The following TIGD1 variants were observed in gnomAD, a reference collection of about 807,000 sequenced individuals.
TIGD1 encodes tigger transposable element derived 1.
A neutral mutation model predicts 21.3 loss-of-function variants in TIGD1; 20 were observed. That is an observed-to-expected ratio of 0.94 (90% CI 0.66 to 1.36). TIGD1 has a LOEUF of 1.36. Ranked by LOEUF, TIGD1 falls within the 40% of genes most tolerant of loss-of-function variation. The pLI is 0.00. For missense variants in TIGD1, 556 were observed against 350.5 expected (o/e 1.59, Z -4.68); for synonymous variants, 177 against 123.2 (o/e 1.44, Z -2.89).
chr2:232,549,652 G>C lies in TIGD1; in HGVS notation c.231C>G (p.Ser77Arg), dbSNP rs1391966255. 1 of 716,536 alleles carries C rather than the reference G, an allele frequency of 1.4e-6. No homozygotes were observed. The highest frequency in any genetic ancestry group is 2.6e-6 in the Non-Finnish European group (1 of 388,826). 44.4% of individuals were successfully genotyped at this position (716,536 alleles called of 1,614,324 possible). A position where few individuals can be genotyped will look rare whatever the true frequency, so the allele number is the denominator to read the frequency against. Residue 77 changes from serine (S) to arginine (R), a missense_variant, in exon 1 of 1, where the codon AGC becomes AGG. Transcript: ENST00000408957. Reference sequence around the variant, plus strand: ...AAACCTTCTCCATATCAGCAATAAGGCTGTTTCGCTTTCTTATCATTCGTG... The same window carrying C: ...AAACCTTCTCCATATCAGCAATAAGCCTGTTTCGCTTTCTTATCATTCGTG... ...MNTRMIRKRN[S>R]LIADMEKVLV... is the part of the protein sequence containing the mutation.
In TIGD1 at chr2:232,545,741, TG is replaced by T; in HGVS notation, c.*2365del. The T allele has an allele frequency of 6.2e-7, 1 of 1,613,300 alleles. No homozygotes were observed. Among genetic ancestry groups the T allele is most frequent in the South Asian group, 1.1e-5 (1 of 91,076 alleles). ...AGCCAACCAACCACTGTGGGGCATG[TG>T]GGAGTCACACACGTGGGTCACACTG... On this transcript the variant is annotated 3_prime_UTR_variant, in exon 1 of 1. Coordinates refer to ENST00000408957, the MANE Select transcript of TIGD1 (RefSeq NM_145702.4).
chr2:232,545,851 C>A lies in TIGD1; in HGVS notation c.*2256G>T. 4 of 1,031,418 alleles carry A rather than the reference C, an allele frequency of 3.9e-6. No individual in the cohort carries two copies. The highest frequency in any genetic ancestry group is 5.9e-6 in the Non-Finnish European group (4 of 677,274). The allele number at this position is 1,031,418 out of a possible 1,614,324, so 63.9% of individuals were successfully genotyped here. On this transcript the variant is annotated 3_prime_UTR_variant, in exon 1 of 1. Transcript: ENST00000408957. Reference sequence around the variant, plus strand: ...TTCAGGACTGTGTGAGCCAAACAGCCCTGAGAAAAGCTGGGGAAACAGTCT... The same window carrying A: ...TTCAGGACTGTGTGAGCCAAACAGCACTGAGAAAAGCTGGGGAAACAGTCT...
At position 232,548,830 on chromosome 2, in the gene TIGD1, A is replaced by T. The variant is rs769601353; in HGVS notation, c.1053T>A (p.Phe351Leu). ...TATCCATGGCAGCTAGAGCCTTATGAAATGTATTTCTCAAATAATAAGACT... is the reference window on the plus strand; with the variant it reads ...TATCCATGGCAGCTAGAGCCTTATGTAATGTATTTCTCAAATAATAAGACT... The part of the protein sequence containing the change: ...TFKSYYLRNT[F>L]HKALAAMDSD... Residue 351 changes from phenylalanine (F) to leucine (L), a missense_variant, in exon 1 of 1, where the codon TTT (phenylalanine) becomes TTA (leucine). By Grantham distance (22) the Phe-to-Leu change is conservative. Coordinates refer to ENST00000408957, the MANE Select transcript of TIGD1 (RefSeq NM_145702.4). 1.7e-6 allele frequency: 1 copy of T among 586,692 alleles called. No homozygotes were observed. Among genetic ancestry groups the T allele is most frequent in the Non-Finnish European group, 3.1e-6 (1 of 317,482 alleles). 36.3% of individuals were successfully genotyped at this position (586,692 alleles called of 1,614,324 possible).
In TIGD1 at chr2:232,548,629, C is replaced by G. The variant is rs571866165; in HGVS notation, c.1254G>C (p.Lys418Asn). The change falls in exon 1 of 1, where the codon AAG (lysine) becomes AAC (asparagine). Residue 418 changes from lysine to asparagine, a missense_variant. Coordinates refer to ENST00000408957, the MANE Select transcript of TIGD1 (RefSeq NM_145702.4). ...CTGCACTTACTTCCTCCACTGAAGT[C>G]TTGAACCCCTCATAGTCATCAATGA... ...PTLIDDYEGF[K>N]TSVEEVSADV... The G allele has an allele frequency of 5.7e-6, 3 of 523,962 alleles. No individual in the cohort carries two copies. In the East Asian group the frequency reaches 1.4e-4, roughly 25 times the overall value. The allele number at this position is 523,962 out of a possible 1,614,324, so 32.5% of individuals were successfully genotyped here.
In TIGD1 at chr2:232,546,672, A is replaced by C. The variant is rs74539497; in HGVS notation, c.*1435T>G. On this transcript the variant is annotated 3_prime_UTR_variant, in exon 1 of 1. Transcript: ENST00000408957. The stretch of plus-strand genomic sequence containing the variant: ...TTAAGAGCTCCTCACAGCAGTATGG[A>C]TAAGCAAGAGTCATTATTCCCCATG... 0.18 allele frequency among the ~76,000 whole-genome samples: 26,917 copies of C among 151,954 alleles called. 2,598 individuals carry two copies. The highest frequency in any genetic ancestry group is 0.26 in the Middle Eastern group (76 of 294).
In TIGD1 at chr2:232,545,694, C is replaced by T. The variant is rs1330248535; in HGVS notation, c.*2413G>A. ...CTGCCATTCCCTGGAGATCCACGCC[C>T]CTACCTGCCCTCACCAGACTGAGCC... On this transcript the variant is annotated 3_prime_UTR_variant, in exon 1 of 1. Transcript: ENST00000408957. 6.2e-6 allele frequency: 10 copies of T among 1,614,100 alleles called. No homozygotes were observed. In the East Asian group the frequency reaches 1.6e-4, roughly 25 times the overall value.
At position 232,549,508 on chromosome 2, in the gene TIGD1, T is replaced by G. The variant is rs1692224111; in HGVS notation, c.375A>C (p.Ala125=). The part of the protein sequence containing the change: ...SMKAERGVEA[A]EEKFEASRGW... Reference sequence around the variant, plus strand: ...CTCTGCTAGCTTCAAACTTTTCTTCTGCAGCTTCCACACCTCTCTCAGCTT... The same window carrying G: ...CTCTGCTAGCTTCAAACTTTTCTTCGGCAGCTTCCACACCTCTCTCAGCTT... The change falls in exon 1 of 1, where the codon GCA becomes GCC. Residue 125 remains alanine (A), a synonymous_variant. Transcript: ENST00000408957. 4 of 680,146 alleles carry G rather than the reference T, an allele frequency of 5.9e-6. No homozygotes were observed. Among genetic ancestry groups the G allele is most frequent in the Non-Finnish European group, 1.1e-5 (4 of 378,550 alleles). 42.1% of individuals were successfully genotyped at this position (680,146 alleles called of 1,614,324 possible).
chr2:232,546,904 A>G lies in TIGD1; in HGVS notation c.*1203T>C, dbSNP rs1199585909. ...GTGTGGAGTTAACAGAGAGCCACTG[A>G]GCTCTTCATTCCAGGAGGAGACTTT... On this transcript the variant is annotated 3_prime_UTR_variant, in exon 1 of 1. Transcript: ENST00000408957. 1.3e-5 allele frequency among the ~76,000 whole-genome samples: 2 copies of G among 152,096 alleles called. No homozygotes were observed. The highest frequency in any genetic ancestry group is 2.4e-5 in the African/African-American group (1 of 41,410).
rs1692090325 is a variant in TIGD1 at position 232,544,655 on chromosome 2, G to A, written c.*3452C>T. On this transcript the variant is annotated 3_prime_UTR_variant, in exon 1 of 1. Coordinates refer to ENST00000408957, the MANE Select transcript of TIGD1 (RefSeq NM_145702.4). ...CTGGGGAGCCAGGCACAGCAGATGA[G>A]TGCTGGAGAAGTGCCCAGGTCAGGG... 6.4e-7 allele frequency: 1 copy of A among 1,564,876 alleles called. No homozygotes were observed. The highest frequency in any genetic ancestry group is 1.1e-5 in the South Asian group (1 of 89,906).
In TIGD1 at chr2:232,544,960, T is replaced by G; in HGVS notation, c.*3147A>C. 6.2e-7 allele frequency: 1 copy of G among 1,609,064 alleles called. No individual in the cohort carries two copies. On this transcript the variant is annotated 3_prime_UTR_variant, in exon 1 of 1. Transcript: ENST00000408957. ...TGAGTACCTGGGCTTGGAACCGTGA[T>G]AGAGACAGGATGAGTGGGGTTGCCA...
Position 232,544,985 on chromosome 2 carries a change from A to G in TIGD1, c.*3122T>C. 2 of 1,570,398 alleles carry G rather than the reference A, an allele frequency of 1.3e-6. No homozygotes were observed. The highest frequency in any genetic ancestry group is 1.7e-6 in the Non-Finnish European group (2 of 1,147,620). ...TAGAGACAGGATGAGTGGGGTTGCCAAGATAGGGCAGTGGGATGGAAAAAC... is the reference window on the plus strand; with the variant it reads ...TAGAGACAGGATGAGTGGGGTTGCCGAGATAGGGCAGTGGGATGGAAAAAC... On this transcript the variant is annotated 3_prime_UTR_variant, in exon 1 of 1. Coordinates refer to ENST00000408957, the MANE Select transcript of TIGD1 (RefSeq NM_145702.4).
chr2:232,548,491 A>G lies in TIGD1; in HGVS notation c.1392T>C (p.Asp464=), dbSNP rs1480688237. The G allele has an allele frequency of 3.0e-6, 2 of 665,568 alleles. No individual in the cohort carries two copies. The highest frequency in any genetic ancestry group is 5.4e-6 in the Non-Finnish European group (2 of 371,216). The allele number at this position is 665,568 out of a possible 1,614,324, so 41.2% of individuals were successfully genotyped here. Residue 464 remains aspartate, a synonymous_variant, in exon 1 of 1, where the codon GAT becomes GAC. Coordinates refer to ENST00000408957, the MANE Select transcript of TIGD1 (RefSeq NM_145702.4). ...TLTDEELFLM[D]AQRKWFLEME... is the part of the protein sequence containing the mutation. ...TCTCAAGAAACCACTTTCTTTGCGC[A>G]TCCATAAGAAACAACTCCTCATCTG...
chr2:232,550,157 G>C lies in TIGD1; in HGVS notation c.-275C>G. The C allele has an allele frequency of 2.7e-6, 1 of 366,560 alleles. No individual in the cohort carries two copies. The highest frequency in any genetic ancestry group is 8.2e-5 in the South Asian group (1 of 12,242). The allele number at this position is 366,560 out of a possible 1,614,324, so 22.7% of individuals were successfully genotyped here. A position where few individuals can be genotyped will look rare whatever the true frequency, so the allele number is the denominator to read the frequency against. The stretch of plus-strand genomic sequence containing the variant: ...GAGAATTACCAAAATGTAACACAGA[G>C]ACACCAAGTGAGCACATGCTGTTGG... On this transcript the variant is annotated 5_prime_UTR_variant, in exon 1 of 1. Coordinates refer to ENST00000408957, the MANE Select transcript of TIGD1 (RefSeq NM_145702.4).
Position 232,546,365 on chromosome 2 carries a change from G to T in TIGD1, c.*1742C>A, listed in dbSNP as rs1692136315. The T allele has an allele frequency of 1.6e-5, 2 of 127,502 alleles. No individual in the cohort carries two copies. The highest frequency in any genetic ancestry group is 3.2e-5 in the African/African-American group (1 of 31,194). The allele number at this position is 127,502 out of a possible 1,614,324, so 7.9% of individuals were successfully genotyped here. On this transcript the variant is annotated 3_prime_UTR_variant, in exon 1 of 1. Transcript: ENST00000408957. ...TGTTGTTGTTGTTTTGTTTAGTTTT[G>T]AGATAGAGCCTCACTCTTGTCATGC... is the stretch of plus-strand genomic sequence containing the variant.
chr2:232,545,648 C>T lies in TIGD1; in HGVS notation c.*2459G>A. On this transcript the variant is annotated 3_prime_UTR_variant, in exon 1 of 1. Transcript: ENST00000408957. ...CACAGCTGGCATCTTCCTCATGGCC[C>T]ACTACAACCGGGTGCCGGCCCTGCC... The T allele has an allele frequency of 6.2e-7, 1 of 1,614,202 alleles. No homozygotes were observed. Among genetic ancestry groups the T allele is most frequent in the Non-Finnish European group, 8.5e-7 (1 of 1,180,046 alleles).
chr2:232,549,909 C>A lies in TIGD1; in HGVS notation c.-27G>T. The A allele has an allele frequency of 8.0e-7, 1 of 1,249,286 alleles. No individual in the cohort carries two copies. Among genetic ancestry groups the A allele is most frequent in the Non-Finnish European group, 1.1e-6 (1 of 908,652 alleles). The allele number at this position is 1,249,286 out of a possible 1,614,324, so 77.4% of individuals were successfully genotyped here. ...GCAGAGTCATTAATTCGCCTAATCTCAATATTGTTGTGTCTCAGGGAATAG... is the reference window on the plus strand; with the variant it reads ...GCAGAGTCATTAATTCGCCTAATCTAAATATTGTTGTGTCTCAGGGAATAG... On this transcript the variant is annotated 5_prime_UTR_variant, in exon 1 of 1. Coordinates refer to ENST00000408957, the MANE Select transcript of TIGD1 (RefSeq NM_145702.4).
At position 232,550,537 on chromosome 2, in the gene TIGD1, C is replaced by T; in HGVS notation, c.-655G>A. 1 of 695,028 alleles carries T rather than the reference C, an allele frequency of 1.4e-6. No homozygotes were observed. The highest frequency in any genetic ancestry group is 3.1e-5 in the East Asian group (1 of 32,240). The allele number at this position is 695,028 out of a possible 1,614,324, so 43.1% of individuals were successfully genotyped here. A position where few individuals can be genotyped will look rare whatever the true frequency, so the allele number is the denominator to read the frequency against. ...GAACTGAGGCCAGCAGCCAGCTCCGCCGCTGAGTCCAGCCCTCTGCGCAGC... is the reference window on the plus strand; with the variant it reads ...GAACTGAGGCCAGCAGCCAGCTCCGTCGCTGAGTCCAGCCCTCTGCGCAGC... On this transcript the variant is annotated 5_prime_UTR_variant, in exon 1 of 1. Transcript: ENST00000408957.
Position 232,544,891 on chromosome 2 carries a change from C to T in TIGD1, c.*3216G>A, listed in dbSNP as rs1273274839. 1 of 1,613,808 alleles carries T rather than the reference C, an allele frequency of 6.2e-7. No individual in the cohort carries two copies. The highest frequency in any genetic ancestry group is 1.3e-5 in the African/African-American group (1 of 74,886). ...TGCCTGTGCCCGGCACCAGCAGAGT[C>T]ACTTTGACAATGTAAGCTGAGTCAG... On this transcript the variant is annotated 3_prime_UTR_variant, in exon 1 of 1. Coordinates refer to ENST00000408957, the MANE Select transcript of TIGD1 (RefSeq NM_145702.4).
rs1574647945 is a variant in TIGD1 at position 232,546,143 on chromosome 2, G to A, written c.*1964C>T. On this transcript the variant is annotated 3_prime_UTR_variant, in exon 1 of 1. Transcript: ENST00000408957. ...ACAAGAGGTGTGAAGAGTAGCAGCC[G>A]ATGCTCTCTCCAAAGCAGGGCAGCA... 4 of 311,484 alleles carry A rather than the reference G, an allele frequency of 1.3e-5. No homozygotes were observed. Among genetic ancestry groups the A allele is most frequent in the Non-Finnish European group, 1.3e-5 (2 of 158,528 alleles). The allele number at this position is 311,484 out of a possible 1,614,324, so 19.3% of individuals were successfully genotyped here.
Sources: gnomAD v4.1 joint callset for allele counts (sites outside exome capture counted in the v4.1 genomes callset) on GRCh38, gnomAD v4.1.1 for gene constraint, MANE v1.5 for transcripts, NCBI Gene and HGNC (gene_info 2026-07-23, HGNC 2026-07-21) for gene names.